The following MARK1 variants were observed in gnomAD, a reference collection of about 807,000 sequenced individuals.
MARK1 encodes the protein microtubule affinity regulating kinase 1.
MARK1 carries 40 observed loss-of-function variants against 96.3 expected under a neutral mutation model. The observed-to-expected ratio is 0.42, with a 90% CI of 0.32 to 0.54. The LOEUF is 0.54. Ranked by LOEUF, MARK1 falls within the 20% of genes least tolerant of loss-of-function variation. The pLI is 0.16. For missense variants in MARK1, 719 were observed against 984.6 expected (o/e 0.73, Z 3.61); for synonymous variants, 317 against 341.2 (o/e 0.93, Z 0.78).
intron 1 of MARK1, among the ~76,000 whole-genome samples, chr1:220,568,879 A>G (rs531631721): frequency 1.6e-4 from 25 of 152,270 alleles, no homozygotes; most frequent in African/African-American, 5.8e-4. Flanking sequence ...GTATGTGTTC[A>G]TCTTTACACT....
At chr1:220,539,844 G>T (rs1326397075) in intron 1 of MARK1, among the ~76,000 whole-genome samples, 4 of 148,732 alleles carry the variant, frequency 2.7e-5, no homozygotes, top group African/African-American at 9.9e-5. Flanking sequence ...TTTTTTTCCT[G>T]TAGTGACTTT....
Position 220,618,238 on chromosome 1 carries a change from T to TA in MARK1, c.553-68dup, listed in dbSNP as rs1341021311. ...GCAAGAGATATGTAAGTTTGGAAGC[T>TA]AAAACTCTTTTACAAATATTTTTAT... On this transcript the variant is annotated intron_variant, in intron 7 of 17. Coordinates refer to ENST00000366917, the MANE Select transcript of MARK1 (RefSeq NM_018650.5). The surrounding 1 kb of genome is among the most constrained non-coding windows in gnomAD (Gnocchi z 4.6). 1 of 1,010,680 alleles carries TA rather than the reference T, an allele frequency of 9.9e-7. No homozygotes were observed. The highest frequency in any genetic ancestry group is 2.1e-5 in the Admixed American group (1 of 47,512). 62.6% of individuals were successfully genotyped at this position (1,010,680 alleles called of 1,614,324 possible). A position where few individuals can be genotyped will look rare whatever the true frequency, so the allele number is the denominator to read the frequency against.
intron 3 of MARK1, among the ~76,000 whole-genome samples, chr1:220,592,257 A>G (rs1249295714): frequency 6.8e-6 from 1 of 147,620 alleles, no homozygotes; most frequent in Non-Finnish European, 1.5e-5. Flanking sequence ...ATTATATTAT[A>G]TTATATTATA....
intron 5 of MARK1, among the ~76,000 whole-genome samples, chr1:220,603,386 T>C (rs1020389840): frequency 1.3e-5 from 2 of 152,054 alleles, no homozygotes; most frequent in African/African-American, 4.8e-5. Context: ...CATTTATCTA[T>C]CCACTTCGTG....
chr1:220,581,430 T>C (rs143759191), intron 3 of MARK1, among the ~76,000 whole-genome samples: 2 of 152,318 alleles, frequency 1.3e-5, no homozygotes, highest in African/African-American at 4.8e-5. Flanking sequence ...TTTTCAAGTA[T>C]TCAGAATTGA....
intron 11 of MARK1, among the ~76,000 whole-genome samples, chr1:220,633,160 T>C (rs980344948): frequency 2.0e-5 from 3 of 152,170 alleles, no homozygotes; most frequent in African/African-American, 7.2e-5. Context: ...AGGCCATTCA[T>C]GAAGTGTCCA....
At chr1:220,585,942 A>G (rs1404129926) in intron 3 of MARK1, among the ~76,000 whole-genome samples, 1 of 151,888 alleles carries the variant, frequency 6.6e-6, no homozygotes, top group Non-Finnish European at 1.5e-5. Flanking sequence ...AGTCACTGTT[A>G]TCTTCTTGTA....
chr1:220,608,218 G>A (rs1666207767), intron 6 of MARK1, among the ~76,000 whole-genome samples: 1 of 152,016 alleles, frequency 6.6e-6, no homozygotes. Flanking sequence ...ATTAATTATT[G>A]CCTCAATTTC....
At chr1:220,611,276 C>A (rs1277519341) in intron 6 of MARK1, among the ~76,000 whole-genome samples, 1 of 152,230 alleles carries the variant, frequency 6.6e-6, no homozygotes, top group Non-Finnish European at 1.5e-5. Context: ...CAAGCCTCAG[C>A]ATTGGCAAAT....
Position 220,586,002 on chromosome 1 carries a change from C to CAT in MARK1, c.309+4885_309+4886insTA, listed in dbSNP as rs1473729207. On this transcript the variant is annotated intron_variant, in intron 3 of 17. Transcript: ENST00000366917. The stretch of plus-strand genomic sequence containing the variant: ...ATACGTATACACACACACACACACA[C>CAT]ACACACACACGCGCGCGTGCGCAGA... 3.9e-3 allele frequency among the ~76,000 whole-genome samples: 145 copies of CAT among 37,126 alleles called. 1 individual carries two copies. Among genetic ancestry groups the CAT allele is most frequent in the Admixed American group, 0.011 (28 of 2,484 alleles). The allele number at this position is 37,126 out of a possible 152,430, so 24.4% of individuals were successfully genotyped here. A position where few individuals can be genotyped will look rare whatever the true frequency, so the allele number is the denominator to read the frequency against.
At chr1:220,552,981 C>G (rs1053425153) in intron 1 of MARK1, among the ~76,000 whole-genome samples, 1 of 152,158 alleles carries the variant, frequency 6.6e-6, no homozygotes, top group Admixed American at 6.5e-5. Context: ...ACCTTCATCC[C>G]TGCCATCATG....
chr1:220,661,753 G>T (rs1572253873), intron 17 of MARK1, 59 bp from the exon 18 acceptor site: 3 of 1,280,968 alleles, frequency 2.3e-6, no homozygotes, highest in South Asian at 1.5e-5. Flanking sequence ...TGTGTGTTTT[G>T]ATCTCTTTGC....
At chr1:220,598,050 T>TGTGTATA (rs1361684208) in intron 3 of MARK1, among the ~76,000 whole-genome samples, 44 of 152,300 alleles carry the variant, frequency 2.9e-4, no homozygotes, top group African/African-American at 9.6e-4. Context: ...TAAGTTTTAC[T>TGTGTATA]GTGTATAGTG....
chr1:220,640,652 A>G (rs1448550544), intron 13 of MARK1, among the ~76,000 whole-genome samples: 1 of 152,174 alleles, frequency 6.6e-6, no homozygotes, highest in African/African-American at 2.4e-5. Context: ...ATTTCTTACA[A>G]CTCTGGAGGC....
intron 1 of MARK1, among the ~76,000 whole-genome samples, chr1:220,557,426 G>A (rs1662349578): frequency 6.6e-6 from 1 of 152,022 alleles, no homozygotes; most frequent in Non-Finnish European, 1.5e-5. Flanking sequence ...GGACCTAGTG[G>A]TATGTGCCTG....
intron 9 of MARK1, among the ~76,000 whole-genome samples, chr1:220,628,230 T>C (rs1246208408): frequency 6.6e-6 from 1 of 152,130 alleles, no homozygotes; most frequent in Non-Finnish European, 1.5e-5. Flanking sequence ...TATCGACTCC[T>C]TTTCCTCAGC....
chr1:220,607,726 C>T (rs547415968), intron 6 of MARK1, among the ~76,000 whole-genome samples: 12 of 152,226 alleles, frequency 7.9e-5, no homozygotes, highest in African/African-American at 1.9e-4. Flanking sequence ...TTTTGAGATA[C>T]GTTCCATCAA....
At chr1:220,570,342 C>T (rs1663355301) in intron 1 of MARK1, among the ~76,000 whole-genome samples, 1 of 151,968 alleles carries the variant, frequency 6.6e-6, no homozygotes, top group African/African-American at 2.4e-5. Flanking sequence ...TTTGAACCTC[C>T]GAAAGATACT....
chr1:220,619,529 A>G (rs1433101952), intron 9 of MARK1, among the ~76,000 whole-genome samples: 3 of 152,182 alleles, frequency 2.0e-5, no homozygotes, highest in Admixed American at 6.5e-5. Flanking sequence ...TAGTAAAGAA[A>G]ATTTACAAAT....
Sources: gnomAD v4.1 joint callset for allele counts (sites outside exome capture counted in the v4.1 genomes callset) on GRCh38, gnomAD v4.1.1 for gene constraint, Gnocchi (gnomAD v3.1) non-coding constraint, MANE v1.5 for transcripts, NCBI Gene and HGNC (gene_info 2026-07-23, HGNC 2026-07-21) for gene names.